TOGARAM2: variants seen among roughly 807,000 people sequenced by gnomAD.
The protein encoded by TOGARAM2 is TOG array regulator of axonemal microtubules protein 2.
In TOGARAM2, 85 loss-of-function variants were observed where a neutral mutation model predicts 93.3. The observed-to-expected ratio is 0.91, with a 90% confidence interval of 0.76 to 1.09. The LOEUF (loss-of-function observed/expected upper bound fraction) is 1.09. TOGARAM2 is among the 50% of genes least tolerant of loss of function. The pLI is 0.00. For synonymous variants in TOGARAM2, 593 were observed against 552.8 expected (o/e 1.07, Z -1.02); for missense variants, 1,277 against 1,334.5 (o/e 0.96, Z 0.67).
In TOGARAM2 at chr2:28,981,516, G is replaced by C. The variant is rs1201994022; in HGVS notation, c.-133G>C. 6.6e-6 allele frequency: 1 copy of C among 152,360 alleles called. No homozygotes were observed. The highest frequency in any genetic ancestry group is 1.5e-5 in the Non-Finnish European group (1 of 68,142). 9.4% of individuals were successfully genotyped at this position (152,360 alleles called of 1,614,324 possible). A position where few individuals can be genotyped will look rare whatever the true frequency, so the allele number is the denominator to read the frequency against. On this transcript the variant is annotated 5_prime_UTR_variant, in exon 1 of 20. Coordinates refer to ENST00000379558, the MANE Select transcript of TOGARAM2 (RefSeq NM_199280.4). ...GGACCCTGGATTCCTCCAGTGACAG[G>C]GGTTTGGCCTCTGGACAGAGAGGTG... is the stretch of plus-strand genomic sequence containing the variant.
intron 1 of TOGARAM2, among the ~76,000 whole-genome samples, chr2:28,958,028 T>C (rs567642913): frequency 1.2e-4 from 19 of 152,220 alleles, no homozygotes; most frequent in Middle Eastern, 6.8e-3. Context: ...AAAAAAGAAA[T>C]TGATCTATTA....
rs773959110 is a variant in TOGARAM2, at chr2:29,017,841, G to A, written c.1245G>A (p.Leu415=). 1.3e-5 allele frequency: 21 copies of A among 1,613,500 alleles called. No homozygotes were observed. In the Admixed American group the frequency reaches 3.5e-4, roughly 27 times the overall value. The change falls in exon 10 of 20, where the codon CTG becomes CTA. Residue 415 remains leucine (L), a synonymous_variant. Transcript: ENST00000379558. ...GGACACTGTCTGTGCCCACTAGGCT[G>A]AGCGGCCCATGCAGAAACGACGTCA... ...GSGTLSVPTR[L]SGPCRNDVSI...
At chr2:29,006,340 ATG>A (rs770548346) in intron 6 of TOGARAM2, among the ~76,000 whole-genome samples, 2 of 116,252 alleles carry the variant, frequency 1.7e-5, no homozygotes, top group Admixed American at 8.5e-5. Flanking sequence ...ATGTGTGTGT[ATG>A]TGTGTATGTG....
At chr2:29,013,136 G>A (rs967732095) in intron 7 of TOGARAM2, among the ~76,000 whole-genome samples, 19 of 152,200 alleles carry the variant, frequency 1.2e-4, no homozygotes, top group African/African-American at 3.9e-4. Context: ...AAACCCTGTG[G>A]GTGGCAGAAA....
chr2:29,017,520 C>T (rs1327133732), intron 9 of TOGARAM2, among the ~76,000 whole-genome samples: 1 of 152,158 alleles, frequency 6.6e-6, no homozygotes, highest in African/African-American at 2.4e-5. Context: ...GATCCTCCCA[C>T]CTCAGCCTCC....
chr2:28,981,803 G>C (rs372893529), intron 1 of TOGARAM2, among the ~76,000 whole-genome samples: 1 of 152,214 alleles, frequency 6.6e-6, no homozygotes, highest in Non-Finnish European at 1.5e-5. Context: ...AAGGAAGGAG[G>C]GGCTGGCCTG....
chr2:29,000,327 T>C (rs562163923), intron 4 of TOGARAM2, among the ~76,000 whole-genome samples: 124 of 152,220 alleles, frequency 8.1e-4, no homozygotes, highest in African/African-American at 2.9e-3. Flanking sequence ...CAAGCCAAGT[T>C]CAAATCTTAG....
chr2:29,003,184 C>T (rs1446885436), intron 5 of TOGARAM2, among the ~76,000 whole-genome samples: 1 of 152,218 alleles, frequency 6.6e-6, no homozygotes, highest in Non-Finnish European at 1.5e-5. Flanking sequence ...AGTCACACCC[C>T]TCTTTGGGCC....
chr2:28,967,313 A>G (rs1290778577), intron 1 of TOGARAM2, among the ~76,000 whole-genome samples: 1 of 152,054 alleles, frequency 6.6e-6, no homozygotes, highest in Non-Finnish European at 1.5e-5. Context: ...TGTCTCTACA[A>G]ATAATAAAAA....
At chr2:28,978,713 T>C (rs1572621304), upstream of TOGARAM2, among the ~76,000 whole-genome samples, 1 of 152,174 alleles carries the variant, frequency 6.6e-6, no homozygotes, top group African/African-American at 2.4e-5. Context: ...GATTCTGTAT[T>C]GTGAGTCAGT....
intron 1 of TOGARAM2, among the ~76,000 whole-genome samples, chr2:28,967,312 AAAT>A (rs1362888766): frequency 3.9e-5 from 6 of 152,080 alleles, no homozygotes; most frequent in Non-Finnish European, 4.4e-5. Flanking sequence ...TTGTCTCTAC[AAAT>A]AATAAAAAAA....
chr2:28,959,103 T>G (rs1410605787), intron 1 of TOGARAM2, among the ~76,000 whole-genome samples: 1 of 152,106 alleles, frequency 6.6e-6, no homozygotes, highest in Non-Finnish European at 1.5e-5. Flanking sequence ...CCAGTTTCCC[T>G]GGCCTGGCTG....
In TOGARAM2 at chr2:29,004,833, ATGTG is replaced by A. The variant is rs968407311; in HGVS notation, c.830+1153_830+1156del. On this transcript the variant is annotated intron_variant, in intron 6 of 19. Transcript: ENST00000379558. ...ATGTGTGGAGTATGTGTGTGCATGTATGTGTATGAGTGCATCTGTGTGGAGTTGT... is the reference window on the plus strand; with the variant it reads ...ATGTGTGGAGTATGTGTGTGCATGTATATGAGTGCATCTGTGTGGAGTTGT... Among the ~76,000 whole-genome samples the A allele has an allele frequency of 4.1e-5, 6 of 147,424 alleles. No homozygotes were observed. In the South Asian group the frequency reaches 1.3e-3, roughly 32 times the overall value.
At chr2:29,001,337 A>AT (rs1230462225) in intron 4 of TOGARAM2, among the ~76,000 whole-genome samples, 15 of 136,660 alleles carry the variant, frequency 1.1e-4, no homozygotes, top group Non-Finnish European at 1.0e-4. Context: ...TGGCTGGTTT[A>AT]TTTTTTTTTA....
At chr2:29,048,936 GC>G (rs1666911443) in intron 19 of TOGARAM2, 1 of 145,644 alleles carries the variant, frequency 6.9e-6, no homozygotes, top group African/African-American at 2.6e-5. Flanking sequence ...TGCTACCCCT[GC>G]CTCCCTGGTC....
intron 12 of TOGARAM2, among the ~76,000 whole-genome samples, chr2:29,023,502 C>T (rs1665111304): frequency 6.6e-6 from 1 of 152,238 alleles, no homozygotes. Context: ...AGATCCCCAA[C>T]TCCAGGGCAG....
intron 17 of TOGARAM2, 150 bp downstream of exon 17, chr2:29,035,806 A>T (rs763140356): frequency 8.1e-6 from 6 of 736,822 alleles, no homozygotes; most frequent in Non-Finnish European, 1.2e-5. Flanking sequence ...GAAGTGGCTG[A>T]GTGGGCAAGG....
At chr2:28,977,560 C>G (rs1672055964), upstream of TOGARAM2, among the ~76,000 whole-genome samples, 1 of 152,154 alleles carries the variant, frequency 6.6e-6, no homozygotes, top group Non-Finnish European at 1.5e-5. Context: ...GTGAATGTTG[C>G]AGGGGCGGGG....
rs977192030 is a variant in TOGARAM2 at position 28,966,050 on chromosome 2, C to A, written c.-147+9353C>A. The stretch of plus-strand genomic sequence containing the variant: ...TATTTTTTTTTTTTTGAGACAGAGT[C>A]TCCCTCTGCCTCCCAGGCTGGAGTG... On this transcript the variant is annotated intron_variant, in intron 1 of 6. Transcript: ENST00000401723. 1.1e-3 allele frequency among the ~76,000 whole-genome samples: 164 copies of A among 151,428 alleles called. 2 individuals carry two copies. Among genetic ancestry groups the A allele is most frequent in the Middle Eastern group, 3.2e-3 (1 of 314 alleles).
Sources: gnomAD v4.1 joint callset for allele counts (sites outside exome capture counted in the v4.1 genomes callset) on GRCh38, gnomAD v4.1.1 for gene constraint, MANE v1.5 for transcripts, NCBI Gene and HGNC (gene_info 2026-07-23, HGNC 2026-07-21) for gene names.